Variants in ANKRD55 observed in about 807,000 individuals in gnomAD.
ANKRD55 encodes ankyrin repeat domain 55, also known as ankyrin repeat domain-containing protein 55.
A neutral mutation model predicts 60.6 loss-of-function variants in ANKRD55; 41 were observed. That is an observed-to-expected ratio of 0.68 (90% CI 0.53 to 0.88). The LOEUF (loss-of-function observed/expected upper bound fraction) is 0.88. Ranked by LOEUF, ANKRD55 falls within the 40% of genes least tolerant of loss-of-function variation. The pLI is 0.00. For synonymous variants in ANKRD55, 264 were observed against 290.3 expected, an observed-to-expected ratio of 0.91 and a Z score of 0.92; for missense variants, 732 against 767.6, an observed-to-expected ratio of 0.95 and a Z score of 0.55.
chr5:56,161,627 T>A (rs1035283350), intron 5 of ANKRD55, among the ~76,000 whole-genome samples: 33 of 152,332 alleles, frequency 2.2e-4, no homozygotes, highest in African/African-American at 7.5e-4. Context: ...TCAATCTTGT[T>A]GTATCATAGT....
chr5:56,150,372 G>A (rs550260931), intron 6 of ANKRD55, among the ~76,000 whole-genome samples: 130 of 151,442 alleles, frequency 8.6e-4, no homozygotes, highest in Non-Finnish European at 1.5e-3. Flanking sequence ...AACCTTATAT[G>A]TTATTATCAT....
intron 9 of ANKRD55, among the ~76,000 whole-genome samples, chr5:56,112,517 A>C (rs866962948): frequency 8.1e-5 from 11 of 135,882 alleles, no homozygotes; most frequent in South Asian, 7.2e-4. Flanking sequence ...AAAAAAAAAA[A>C]AAAAACAACC....
At chr5:56,112,110 C>G (rs1756727145) in intron 9 of ANKRD55, among the ~76,000 whole-genome samples, 1 of 152,226 alleles carries the variant, frequency 6.6e-6, no homozygotes, top group South Asian at 2.1e-4. Flanking sequence ...TGAAAATTAG[C>G]TGAAAGTGTT....
intron 6 of ANKRD55, among the ~76,000 whole-genome samples, chr5:56,146,269 ACT>A (rs1184030317): frequency 6.6e-6 from 1 of 151,410 alleles, no homozygotes; most frequent in Non-Finnish European, 1.5e-5. Flanking sequence ...GGAACGAATG[ACT>A]TACTATGCTC....
intron 7 of ANKRD55, among the ~76,000 whole-genome samples, chr5:56,138,176 G>A (rs934721036): frequency 1.5e-5 from 2 of 136,354 alleles, no homozygotes; most frequent in African/African-American, 5.6e-5. Context: ...CACCCAGGTT[G>A]GAGTGCAATG....
intron 2 of ANKRD55, among the ~76,000 whole-genome samples, chr5:56,231,546 T>A (rs1418393659): frequency 1.3e-5 from 2 of 152,070 alleles, no homozygotes; most frequent in African/African-American, 4.8e-5. Context: ...ATCAGTGATA[T>A]AAAATGTACC....
chr5:56,104,436 G>C (rs1198958801), intron 10 of ANKRD55, among the ~76,000 whole-genome samples: 1 of 152,176 alleles, frequency 6.6e-6, no homozygotes, highest in Non-Finnish European at 1.5e-5. Context: ...GGCTACAGCA[G>C]TGACTCGGAG....
intron 4 of ANKRD55, among the ~76,000 whole-genome samples, chr5:56,173,693 C>A (rs368756790): frequency 6.7e-6 from 1 of 149,946 alleles, no homozygotes; most frequent in Admixed American, 6.7e-5. Flanking sequence ...TACAGGCATG[C>A]GCCACCACGC....
chr5:56,219,870 A>G (rs894815655), intron 2 of ANKRD55, among the ~76,000 whole-genome samples: 7 of 152,258 alleles, frequency 4.6e-5, no homozygotes, highest in African/African-American at 1.4e-4. Flanking sequence ...TTTAGATTCC[A>G]TATCCATTTT....
At chr5:56,146,805 C>T (rs937130016) in intron 6 of ANKRD55, 1 of 152,190 alleles carries the variant, frequency 6.6e-6, no homozygotes, top group African/African-American at 2.4e-5. Context: ...CCCTGCTTAA[C>T]TTCTGAGGTC....
At chr5:56,232,724 T>C (rs1760286599) in intron 2 of ANKRD55, 132 bp downstream of exon 2, 1 of 812,308 alleles carries the variant, frequency 1.2e-6, no homozygotes, top group African/African-American at 1.8e-5. Context: ...TAGCAAATAC[T>C]CATGCACACC....
At chr5:56,161,898 G>T (rs1005222646) in intron 5 of ANKRD55, 5 of 864,416 alleles carry the variant, frequency 5.8e-6, no homozygotes, top group Admixed American at 6.2e-5. Flanking sequence ...TGCATTTTGG[G>T]TCACACAATT....
intron 2 of ANKRD55, among the ~76,000 whole-genome samples, chr5:56,186,598 T>C (rs909461285): frequency 1.3e-5 from 2 of 152,254 alleles, no homozygotes; most frequent in African/African-American, 4.8e-5. Flanking sequence ...TATAATAGTG[T>C]ATATATTTGC....
chr5:56,185,700 G>C (rs537686796), intron 2 of ANKRD55, among the ~76,000 whole-genome samples: 1 of 152,040 alleles, frequency 6.6e-6, no homozygotes, highest in African/African-American at 2.4e-5. Flanking sequence ...AGAGAAAAAG[G>C]TTTTTTTAAG....
chr5:56,177,723 C>T (rs1461556884), intron 3 of ANKRD55, among the ~76,000 whole-genome samples: 1 of 151,786 alleles, frequency 6.6e-6, no homozygotes, highest in East Asian at 1.9e-4. Flanking sequence ...TGCAGTGAGC[C>T]GAGATTGTGC....
At chr5:56,204,080 A>C (rs1239256987) in intron 2 of ANKRD55, among the ~76,000 whole-genome samples, 3 of 152,160 alleles carry the variant, frequency 2.0e-5, no homozygotes, top group Non-Finnish European at 4.4e-5. Flanking sequence ...TCTGATGGCC[A>C]GTGATGATGA....
At chr5:56,106,044 C>T (rs982766604) in intron 10 of ANKRD55, among the ~76,000 whole-genome samples, 7 of 152,192 alleles carry the variant, frequency 4.6e-5, no homozygotes, top group Admixed American at 3.3e-4. Context: ...CTTGCTGCAT[C>T]CAACCTCTGA....
chr5:56,192,545 G>A (rs976305167), intron 2 of ANKRD55: 5 of 368,202 alleles, frequency 1.4e-5, no homozygotes, highest in East Asian at 5.4e-5. Context: ...TACACTTTCC[G>A]AGATGGCCTC....
At chr5:56,109,380 A>G (rs991971432) in intron 10 of ANKRD55, among the ~76,000 whole-genome samples, 1 of 152,146 alleles carries the variant, frequency 6.6e-6, no homozygotes, top group Non-Finnish European at 1.5e-5. Context: ...TTTTCGAGAG[A>G]AGCTAGAATT....
Sources: allele counts gnomAD v4.1 joint callset (sites outside exome capture counted in the v4.1 genomes callset), GRCh38; gene constraint gnomAD v4.1.1; transcripts MANE v1.5; gene names NCBI Gene and HGNC (gene_info 2026-07-23, HGNC 2026-07-21).